Variants in ROBO2 observed in about 807,000 individuals in gnomAD.
The protein encoded by ROBO2 is roundabout guidance receptor 2.
In ROBO2, 53 loss-of-function variants were observed where a neutral mutation model predicts 160.8. That is an observed-to-expected ratio of 0.33 (90% CI 0.26 to 0.41). ROBO2 has a LOEUF of 0.41. Among genes scored for constraint, ROBO2 ranks in the 10% least tolerant of loss-of-function variants. The probability of loss-of-function intolerance (pLI) is 1.00; values close to 1 mark genes in which losing one functional copy is unlikely to be tolerated. For synonymous variants in ROBO2, 664 were observed against 611.7 expected, an observed-to-expected ratio of 1.09 and a Z score of -1.26; for missense variants, 1,577 against 1,722.4, an observed-to-expected ratio of 0.92 and a Z score of 1.49.
intron 2 of ROBO2, among the ~76,000 whole-genome samples, chr3:76,136,995 A>C (rs2071451427): frequency 6.6e-6 from 1 of 152,036 alleles, no homozygotes; most frequent in East Asian, 1.9e-4. Flanking sequence ...TTAACAATTA[A>C]AGGGAAAATG....
At chr3:76,314,067 T>C (rs2071795258) in intron 2 of ROBO2, among the ~76,000 whole-genome samples, 1 of 152,120 alleles carries the variant, frequency 6.6e-6, no homozygotes, top group Non-Finnish European at 1.5e-5. Flanking sequence ...ATTTTTAAGC[T>C]CATCAATGAA....
At chr3:76,662,830 G>A (rs1379266671) in intron 2 of ROBO2, among the ~76,000 whole-genome samples, 1 of 152,090 alleles carries the variant, frequency 6.6e-6, no homozygotes, top group Non-Finnish European at 1.5e-5. Context: ...TGTGAGGCAA[G>A]GAGTAAACTG....
chr3:76,642,901 A>G (rs2090769174), intron 2 of ROBO2, among the ~76,000 whole-genome samples: 1 of 152,174 alleles, frequency 6.6e-6, no homozygotes, highest in African/African-American at 2.4e-5. Context: ...CTTCATTACT[A>G]AAAAAATCAT....
chr3:77,564,839 T>C, intron 11 of ROBO2, 115 bp from the exon 13 acceptor site: 1 of 812,818 alleles, frequency 1.2e-6, no homozygotes, highest in Admixed American at 2.0e-5. Flanking sequence ...TCAAGTGTTG[T>C]GTGTGTGTGT....
intron 5 of ROBO2, among the ~76,000 whole-genome samples, chr3:77,510,197 A>G (rs2089200784): frequency 6.6e-6 from 1 of 152,084 alleles, no homozygotes; most frequent in Non-Finnish European, 1.5e-5. Flanking sequence ...TACTGTATAT[A>G]TTTAAAGAAG....
intron 2 of ROBO2, among the ~76,000 whole-genome samples, chr3:76,553,040 G>A (rs2083506153): frequency 6.6e-6 from 1 of 152,198 alleles, no homozygotes. Flanking sequence ...TGGTGGGGTA[G>A]ACGGCTGATG....
chr3:76,438,975 G>GT (rs970755995), intron 2 of ROBO2, among the ~76,000 whole-genome samples: 46 of 151,226 alleles, frequency 3.0e-4, no homozygotes, highest in Admixed American at 1.1e-3. Context: ...CAGGATTTGG[G>GT]TTTTTTTTTA....
In ROBO2 at chr3:77,549,232, A is replaced by T. The variant is rs1252937497; in HGVS notation, c.1060-1586A>T. ...AGAAGGTGGACTGATGGTACATTGTAGAGGAAGCCATCCCGTAGAGAATAA... is the reference window on the plus strand; with the variant it reads ...AGAAGGTGGACTGATGGTACATTGTTGAGGAAGCCATCCCGTAGAGAATAA... On this transcript the variant is annotated intron_variant, in intron 7 of 25. Transcript: ENST00000461745. 2.0e-5 allele frequency among the ~76,000 whole-genome samples: 3 copies of T among 152,020 alleles called. No homozygotes were observed. The East Asian group carries it at 5.8e-4, about 30-fold the overall frequency.
chr3:75,940,062 T>C (rs917504165), intron 2 of ROBO2, among the ~76,000 whole-genome samples: 4 of 152,168 alleles, frequency 2.6e-5, no homozygotes, highest in Admixed American at 1.3e-4. Flanking sequence ...ACATAATTTC[T>C]TAAGCATAAT....
At chr3:76,333,676 C>G (rs1576489636) in intron 2 of ROBO2, among the ~76,000 whole-genome samples, 1 of 152,266 alleles carries the variant, frequency 6.6e-6, no homozygotes, top group Middle Eastern at 3.4e-3. Flanking sequence ...CTCCACTAAC[C>G]ACGCAAGCAA....
intron 2 of ROBO2, among the ~76,000 whole-genome samples, chr3:76,479,836 T>A (rs1172081171): frequency 6.6e-6 from 1 of 152,144 alleles, no homozygotes; most frequent in East Asian, 1.9e-4. Flanking sequence ...GGATAAAATG[T>A]CTTTGGTGGA....
intron 6 of ROBO2, among the ~76,000 whole-genome samples, chr3:77,529,086 A>T (rs1582732958): frequency 6.6e-6 from 1 of 151,516 alleles, no homozygotes; most frequent in Non-Finnish European, 1.5e-5. Context: ...CAGGTTCAGA[A>T]ATTCACTCAT....
chr3:76,005,407 A>G (rs2065992946), intron 2 of ROBO2, among the ~76,000 whole-genome samples: 1 of 152,192 alleles, frequency 6.6e-6, no homozygotes, highest in African/African-American at 2.4e-5. Flanking sequence ...TAGGAACTGA[A>G]GATTCCTATG....
rs757714332 is a variant in ROBO2 at position 76,798,122 on chromosome 3, GAAGA to G, written c.110-299882_110-299879del. Reference sequence around the variant, plus strand: ...CATTAAAAAAAAGAAAGAAGAGAAAGAAGAAAGAAAGAAGAAAGAGAAAGAAAGA... The same window carrying G: ...CATTAAAAAAAAGAAAGAAGAGAAAGAAGAAAGAAGAAAGAGAAAGAAAGA... On this transcript the variant is annotated intron_variant, in intron 2 of 26. Coordinates refer to the ROBO2 transcript ENST00000487694. 5.3e-3 allele frequency among the ~76,000 whole-genome samples: 453 copies of G among 85,166 alleles called. 4 individuals are homozygous for G. The highest frequency in any genetic ancestry group is 0.018 in the African/African-American group (425 of 23,704). The allele number at this position is 85,166 out of a possible 152,430, so 55.9% of individuals were successfully genotyped here. A position where few individuals can be genotyped will look rare whatever the true frequency, so the allele number is the denominator to read the frequency against.
chr3:76,045,200 A>C (rs1411119348), intron 2 of ROBO2, among the ~76,000 whole-genome samples: 1 of 152,074 alleles, frequency 6.6e-6, no homozygotes, highest in African/African-American at 2.4e-5. Context: ...GCCATGTTAC[A>C]TGATTAATAC....
At chr3:77,264,153 G>A (rs1334512012) in intron 2 of ROBO2, among the ~76,000 whole-genome samples, 6 of 152,050 alleles carry the variant, frequency 3.9e-5, no homozygotes, top group Admixed American at 6.5e-5. Context: ...TTTAAATTCA[G>A]TGCTTTTAAC....
chr3:76,434,101 C>T, intron 2 of ROBO2: 4 of 1,266,942 alleles, frequency 3.2e-6, no homozygotes, highest in South Asian at 1.2e-5. Flanking sequence ...CTGACATGCA[C>T]CGTGGGTATG....
chr3:76,911,565 C>A (rs2148933369), intron 2 of ROBO2, among the ~76,000 whole-genome samples: 1 of 152,248 alleles, frequency 6.6e-6, no homozygotes, highest in Admixed American at 6.5e-5. Flanking sequence ...AATCATGTCA[C>A]TTAATAAAGT....
At chr3:77,375,885 G>A (rs1253393237) in intron 2 of ROBO2, among the ~76,000 whole-genome samples, 1 of 152,092 alleles carries the variant, frequency 6.6e-6, no homozygotes, top group Non-Finnish European at 1.5e-5. Context: ...GTAGTTAAGA[G>A]TGAAATTACC....
Sources: gnomAD v4.1 joint callset for allele counts (sites outside exome capture counted in the v4.1 genomes callset) on GRCh38, gnomAD v4.1.1 for gene constraint, MANE v1.5 for transcripts, NCBI Gene and HGNC (gene_info 2026-07-23, HGNC 2026-07-21) for gene names.